ZNF254: variants seen among roughly 807,000 people sequenced by gnomAD.
ZNF254 encodes CTD-2017D11.1.
ZNF254 carries 10 observed loss-of-function variants against 12.4 expected under a neutral mutation model. The observed-to-expected ratio is 0.80, with a 90% CI of 0.50 to 1.36. ZNF254 has a LOEUF of 1.36. Ranked by LOEUF, ZNF254 falls within the 40% of genes most tolerant of loss-of-function variation. The pLI, the probability that ZNF254 is intolerant of heterozygous loss-of-function variation, is 0.00. For missense variants in ZNF254, 996 were observed against 763.9 expected (o/e 1.30, Z -3.58); for synonymous variants, 305 against 253.4 (o/e 1.20, Z -1.93).
intron 2 of ZNF254, among the ~76,000 whole-genome samples, chr19:24,064,901 G>C (rs1297872230): frequency 2.0e-5 from 3 of 152,162 alleles, no homozygotes; most frequent in African/African-American, 4.8e-5. Context: ...CTCTCACACA[G>C]AACTATTCTA....
At chr19:24,120,190 A>G (rs984476355) in intron 3 of ZNF254, among the ~76,000 whole-genome samples, 9 of 152,084 alleles carry the variant, frequency 5.9e-5, no homozygotes, top group African/African-American at 2.2e-4. Context: ...TGCTTTCATG[A>G]GACTTATTCT....
At chr19:24,039,243 G>C (rs903420197) in intron 1 of ZNF254, among the ~76,000 whole-genome samples, 1 of 152,178 alleles carries the variant, frequency 6.6e-6, no homozygotes, top group Non-Finnish European at 1.5e-5. Context: ...GTGAAATTTT[G>C]AGATTGTGTG....
At chr19:24,120,031 G>C (rs1174808305) in intron 3 of ZNF254, among the ~76,000 whole-genome samples, 8 of 152,006 alleles carry the variant, frequency 5.3e-5, no homozygotes, top group Admixed American at 5.2e-4. Context: ...ACCTGAGACT[G>C]GGCAATTTAC....
chr19:24,105,623 A>G (rs1973292803), intron 1 of ZNF254: 3 of 242,984 alleles, frequency 1.2e-5, no homozygotes, highest in Admixed American at 5.3e-5. Flanking sequence ...TTCATCTGAA[A>G]AATATACATA....
intron 2 of ZNF254, chr19:24,078,877 C>A (rs1199443015): frequency 6.6e-6 from 1 of 152,152 alleles, no homozygotes; most frequent in Non-Finnish European, 1.5e-5. Flanking sequence ...TCATTCTGTT[C>A]TCTGGGGTGA....
In ZNF254 at chr19:24,127,085, C is replaced by A. The variant is rs772348307; in HGVS notation, c.1085C>A (p.Ser362Tyr). Residue 362 changes from serine (S) to tyrosine (Y), a missense_variant, in exon 4 of 4, where the codon TCC (serine) becomes TAC (tyrosine). Physicochemically the swap from Ser to Tyr is moderately radical, Grantham distance 144. Coordinates refer to ENST00000357002, the MANE Select transcript of ZNF254 (RefSeq NM_203282.4). ...CEECGKAFSQ[S>Y]STLTTHKIIH... Reference sequence around the variant, plus strand: ...GAATGTGGCAAAGCTTTTAGCCAGTCCTCAACCCTTACTACACATAAGATA... The same window carrying A: ...GAATGTGGCAAAGCTTTTAGCCAGTACTCAACCCTTACTACACATAAGATA... 1 of 1,612,752 alleles carries A rather than the reference C, an allele frequency of 6.2e-7. No homozygotes were observed. Among genetic ancestry groups the A allele is most frequent in the Non-Finnish European group, 8.5e-7 (1 of 1,179,644 alleles).
At chr19:24,057,645 T>C (rs2145372306) in intron 2 of ZNF254, among the ~76,000 whole-genome samples, 1 of 152,344 alleles carries the variant, frequency 6.6e-6, no homozygotes, top group Middle Eastern at 3.4e-3. Context: ...ATGTTCTGAA[T>C]CTCATATCCA....
chr19:24,057,525 G>T (rs1970904817), intron 2 of ZNF254, among the ~76,000 whole-genome samples: 1 of 152,208 alleles, frequency 6.6e-6, no homozygotes. Flanking sequence ...TCCTCGGTTG[G>T]TACAGGGAAT....
rs781639525 is a variant in ZNF254 at position 24,127,925 on chromosome 19, C to T, written c.1925C>T (p.Ser642Phe). ...WEKFGKAFNR[S>F]SHLTTDKITH... is the part of the protein sequence containing the mutation. ...AAATTTGGCAAAGCCTTTAATCGGTCCTCGCACCTCACCACAGATAAGATA... is the reference window on the plus strand; with the variant it reads ...AAATTTGGCAAAGCCTTTAATCGGTTCTCGCACCTCACCACAGATAAGATA... The change falls in exon 4 of 4, where the codon TCC becomes TTC. Residue 642 changes from serine to phenylalanine, a missense_variant. Coordinates refer to ENST00000357002, the MANE Select transcript of ZNF254 (RefSeq NM_203282.4). 1.9e-6 allele frequency: 3 copies of T among 1,604,670 alleles called. No individual in the cohort carries two copies. The African/African-American group carries it at 4.0e-5, about 22-fold the overall frequency.
chr19:24,063,379 G>GC (rs1189601750), intron 2 of ZNF254, among the ~76,000 whole-genome samples: 1 of 152,164 alleles, frequency 6.6e-6, no homozygotes, highest in Non-Finnish European at 1.5e-5. Context: ...ATTCTATTCT[G>GC]CTTTGATAAA....
At chr19:24,044,997 A>C (rs148999612) in intron 1 of ZNF254, among the ~76,000 whole-genome samples, 3 of 152,194 alleles carry the variant, frequency 2.0e-5, no homozygotes. Flanking sequence ...CTAATGTCTA[A>C]TAACTATGAT....
intron 2 of ZNF254, among the ~76,000 whole-genome samples, chr19:24,068,080 C>T (rs1192781334): frequency 6.6e-6 from 1 of 152,168 alleles, no homozygotes; most frequent in Non-Finnish European, 1.5e-5. Flanking sequence ...CTGCCTGGGC[C>T]CTGCCCACAG....
chr19:24,113,161 A>C (rs1271776945), intron 3 of ZNF254, among the ~76,000 whole-genome samples: 2 of 152,162 alleles, frequency 1.3e-5, no homozygotes, highest in Non-Finnish European at 2.9e-5. Context: ...AAAAGAGGGA[A>C]TCCTCCCTAA....
intron 2 of ZNF254, among the ~76,000 whole-genome samples, chr19:24,081,033 T>C (rs1971827428): frequency 6.7e-6 from 1 of 150,234 alleles, no homozygotes; most frequent in Admixed American, 6.7e-5. Context: ...GCTGAGATCA[T>C]GCCACTGCAC....
chr19:24,067,251 A>G (rs1413046686), intron 2 of ZNF254, among the ~76,000 whole-genome samples: 1 of 151,844 alleles, frequency 6.6e-6, no homozygotes, highest in African/African-American at 2.4e-5. Flanking sequence ...TTAGCTTTTA[A>G]TATACCTTTG....
At chr19:24,048,347 C>T (rs1326694084) in intron 2 of ZNF254, among the ~76,000 whole-genome samples, 4 of 152,224 alleles carry the variant, frequency 2.6e-5, no homozygotes, top group Non-Finnish European at 5.9e-5. Flanking sequence ...ACACATGGCC[C>T]AGGGTGGAAC....
At chr19:24,077,542 G>T (rs1971701658) in intron 2 of ZNF254, among the ~76,000 whole-genome samples, 1 of 152,242 alleles carries the variant, frequency 6.6e-6, no homozygotes, top group African/African-American at 2.4e-5. Context: ...ACCTGAGAAT[G>T]CAGCACTGAG....
chr19:24,115,726 G>A (rs1429427135), intron 3 of ZNF254, among the ~76,000 whole-genome samples: 2 of 152,062 alleles, frequency 1.3e-5, no homozygotes, highest in Non-Finnish European at 2.9e-5. Flanking sequence ...GTGTGAATTT[G>A]ATCCTGTCGT....
chr19:24,125,637 T>G (rs1339653634), intron 3 of ZNF254, among the ~76,000 whole-genome samples: 2 of 152,204 alleles, frequency 1.3e-5, no homozygotes, highest in African/African-American at 4.8e-5. Context: ...TTGTCTGAAA[T>G]TTTATTTTTA....
Sources: allele counts gnomAD v4.1 joint callset (sites outside exome capture counted in the v4.1 genomes callset), GRCh38; gene constraint gnomAD v4.1.1; transcripts MANE v1.5; gene names NCBI Gene and HGNC (gene_info 2026-07-23, HGNC 2026-07-21).